POLD1: variants seen among roughly 807,000 people sequenced by gnomAD.
POLD1 encodes the protein DNA polymerase delta 1, catalytic subunit.
Under a neutral mutation model 129.7 loss-of-function variants are expected in POLD1, and 79 were observed. The ratio of observed to expected loss-of-function variants is 0.61; its 90% CI spans 0.51 to 0.73. The LOEUF (loss-of-function observed/expected upper bound fraction) is 0.73. Ranked by LOEUF, POLD1 falls within the 30% of genes least tolerant of loss-of-function variation. The pLI is 0.00. For missense variants in POLD1, 1,338 were observed against 1,595.8 expected, an observed-to-expected ratio of 0.84 and a Z score of 2.75; for synonymous variants, 714 against 683.3, an observed-to-expected ratio of 1.04 and a Z score of -0.70.
At chr19:50,390,059 G>T (rs6509471) in intron 1 of POLD1, among the ~76,000 whole-genome samples, 1 of 150,194 alleles carries the variant, frequency 6.7e-6, no homozygotes, top group Non-Finnish European at 1.5e-5. Context: ...CAGGCGCCTG[G>T]CACCACGCCC....
chr19:50,392,078 T>G (rs1232306425), intron 1 of POLD1, among the ~76,000 whole-genome samples: 2 of 151,764 alleles, frequency 1.3e-5, no homozygotes, highest in East Asian at 3.9e-4. Context: ...CATGGCAACT[T>G]TTTCATTTTT....
intron 1 of POLD1, among the ~76,000 whole-genome samples, chr19:50,393,609 T>C (rs771915833): frequency 6.6e-6 from 1 of 152,082 alleles, no homozygotes; most frequent in African/African-American, 2.4e-5. Context: ...AAGGCTGCAG[T>C]GAGCTGAGAT....
rs2038502828 is a variant in POLD1, at chr19:50,399,470, T to C, written c.302T>C (p.Ile101Thr). ...TEPLIFQQLE[I>T]DHYVGPAQPV... ...CCCCTCATCTTCCAACAGTTGGAGA[T>C]TGACCATTATGTGGGTGAGTTTAGG... The change falls in exon 3 of 27, where the codon ATT becomes ACT. Residue 101 changes from isoleucine (I) to threonine (T), a missense_variant. By Grantham distance (89) the Ile-to-Thr change is moderately conservative. Around this residue, in one of 3 missense-constraint regions of POLD1, gnomAD observed 332 missense variants for 315.7 expected, o/e 1.05. Coordinates refer to ENST00000440232, the MANE Select transcript of POLD1 (RefSeq NM_002691.4). 6.2e-7 allele frequency: 1 copy of C among 1,612,274 alleles called. No homozygotes were observed. Among genetic ancestry groups the C allele is most frequent in the Non-Finnish European group, 8.5e-7 (1 of 1,178,324 alleles).
chr19:50,396,227 C>T (rs772756772), intron 1 of POLD1, among the ~76,000 whole-genome samples: 2 of 151,118 alleles, frequency 1.3e-5, no homozygotes, highest in East Asian at 3.9e-4. Context: ...GCCATAATTA[C>T]AGGTGTGTAC....
intron 17 of POLD1, 86 bp from the exon 18 acceptor site, chr19:50,413,340 G>A: frequency 9.2e-7 from 1 of 1,087,844 alleles, no homozygotes; most frequent in East Asian, 2.6e-5. Context: ...CTGGGAAATG[G>A]CAGAGGCGGG....
intron 14 of POLD1, among the ~76,000 whole-genome samples, chr19:50,408,330 G>T (rs187693227): frequency 1.6e-3 from 236 of 151,880 alleles, no homozygotes; most frequent in African/African-American, 5.3e-3. Flanking sequence ...GCGAGACTCC[G>T]TCTCAAAAAA....
intron 15 of POLD1, 76 bp downstream of exon 15, chr19:50,408,977 G>A (rs2038997821): frequency 4.8e-6 from 7 of 1,462,286 alleles, no homozygotes; most frequent in South Asian, 2.5e-5. Context: ...CTGGTGGGGG[G>A]CATAGGCACA....
At chr19:50,392,947 A>G (rs962834451) in intron 1 of POLD1, among the ~76,000 whole-genome samples, 3 of 152,212 alleles carry the variant, frequency 2.0e-5, no homozygotes, top group Non-Finnish European at 4.4e-5. Context: ...ATTCCTTTAC[A>G]CAGTTGCATA....
At chr19:50,385,150 A>C (rs893144273) in intron 1 of POLD1, among the ~76,000 whole-genome samples, 5 of 152,180 alleles carry the variant, frequency 3.3e-5, no homozygotes, top group Admixed American at 3.3e-4. Flanking sequence ...CCATGTTTTG[A>C]AAAACTCACC....
intron 1 of POLD1, among the ~76,000 whole-genome samples, chr19:50,390,118 A>G (rs1472179103): frequency 6.6e-6 from 1 of 151,980 alleles, no homozygotes; most frequent in East Asian, 1.9e-4. Context: ...CATGTTGGCC[A>G]GGCTGGTCTC....
chr19:50,390,202 C>T (rs2038108414), intron 1 of POLD1, among the ~76,000 whole-genome samples: 2 of 151,808 alleles, frequency 1.3e-5, no homozygotes, highest in African/African-American at 2.4e-5. Flanking sequence ...AGCCACTGCG[C>T]CTGGCCAATA....
At chr19:50,393,639 C>T (rs1049641581) in intron 1 of POLD1, among the ~76,000 whole-genome samples, 3 of 152,162 alleles carry the variant, frequency 2.0e-5, no homozygotes, top group East Asian at 1.9e-4. Context: ...GCACTCTAGC[C>T]TGGGCAACAG....
At chr19:50,393,737 T>C (rs1450432974) in intron 1 of POLD1, among the ~76,000 whole-genome samples, 1 of 152,122 alleles carries the variant, frequency 6.6e-6, no homozygotes, top group African/African-American at 2.4e-5. Flanking sequence ...AACCATTACC[T>C]CTGTCTAGTT....
chr19:50,417,268 A>T lies in POLD1; in HGVS notation c.3217A>T (p.Ser1073Cys). 2 of 1,589,074 alleles carry T rather than the reference A, an allele frequency of 1.3e-6. No individual in the cohort carries two copies. Among genetic ancestry groups the T allele is most frequent in the Non-Finnish European group, 1.7e-6 (2 of 1,170,596 alleles). The change falls in exon 26 of 27, where the codon AGC (serine) becomes TGC (cysteine). Residue 1073 changes from serine (S) to cysteine (C), a missense_variant and splice_region_variant. Ser to Cys is a moderately radical substitution (Grantham distance 112). Around this residue, in one of 3 missense-constraint regions of POLD1, gnomAD observed 286 missense variants for 277.5 expected, o/e 1.03. Coordinates refer to ENST00000440232, the MANE Select transcript of POLD1 (RefSeq NM_002691.4). ...CCTGCACGAGGACGTCATCTGCACC[A>T]GGTGTGTGCCATGTCCCGACCCTGG... ...GSLHEDVICTSRDCPIFYMRK... is the reference protein window; with the variant it reads ...GSLHEDVICTCRDCPIFYMRK...
At chr19:50,391,108 C>A (rs2038144728) in intron 1 of POLD1, among the ~76,000 whole-genome samples, 1 of 151,684 alleles carries the variant, frequency 6.6e-6, no homozygotes, top group Non-Finnish European at 1.5e-5. Context: ...GGGGTGGCGG[C>A]CAGGCAGAGG....
At chr19:50,392,469 G>A (rs1160366624) in intron 1 of POLD1, among the ~76,000 whole-genome samples, 5 of 151,954 alleles carry the variant, frequency 3.3e-5, no homozygotes, top group Non-Finnish European at 4.4e-5. Context: ...CCTTGGATTC[G>A]TTTGTTTCTT....
At chr19:50,412,956 TAGTC>T (rs757447955) in intron 17 of POLD1, among the ~76,000 whole-genome samples, 8 of 152,172 alleles carry the variant, frequency 5.3e-5, no homozygotes, top group African/African-American at 9.7e-5. Flanking sequence ...AATGGTTTCT[TAGTC>T]AGGGTGGTGC....
At chr19:50,415,403 CT>C (rs754367402) in intron 20 of POLD1, 34 bp from the exon 21 acceptor site, 2 of 1,594,646 alleles carry the variant, frequency 1.3e-6, no homozygotes, top group Non-Finnish European at 1.7e-6. Context: ...CCCTCAGTGC[CT>C]TTTGGTGACG....
chr19:50,402,181 G>T lies in POLD1; in HGVS notation c.590-24G>T, dbSNP rs772958587. 3.8e-6 allele frequency: 6 copies of T among 1,585,384 alleles called. No individual in the cohort carries two copies. In the South Asian group the frequency reaches 7.0e-5, roughly 19 times the overall value. On this transcript the variant is annotated intron_variant, in intron 5 of 26. Transcript: ENST00000440232. ...GGGTCCCCTCGGGAGGCCATTGGCT[G>T]GTCCCAGCTTCTTCCATCCACAGGC...
Sources: allele counts gnomAD v4.1 joint callset (sites outside exome capture counted in the v4.1 genomes callset), GRCh38; gene constraint gnomAD v4.1.1; regional missense constraint gnomAD v4.1.1; transcripts MANE v1.5; gene names NCBI Gene and HGNC (gene_info 2026-07-23, HGNC 2026-07-21).